Variants in ADAMTS9 observed in about 807,000 individuals in gnomAD.
ADAMTS9 encodes the protein A disintegrin and metalloproteinase with thrombospondin motifs 9.
In ADAMTS9, 107 loss-of-function variants were observed where a neutral mutation model predicts 257.1. The observed-to-expected ratio is 0.42, with a 90% confidence interval of 0.36 to 0.49. The LOEUF (loss-of-function observed/expected upper bound fraction) is 0.49. Ranked by LOEUF, ADAMTS9 falls within the 20% of genes least tolerant of loss-of-function variation. The pLI is 0.03. For missense variants in ADAMTS9, 2,353 were observed against 2,469.1 expected, an observed-to-expected ratio of 0.95 and a Z score of 1.00; for synonymous variants, 982 against 880.9, an observed-to-expected ratio of 1.11 and a Z score of -2.03.
At chr3:64,654,699 C>T (rs1701019311) in intron 6 of ADAMTS9, 87 bp from the exon 7 acceptor site, 1 of 1,424,430 alleles carries the variant, frequency 7.0e-7, no homozygotes, top group Middle Eastern at 1.8e-4. Flanking sequence ...TAGGCATTCA[C>T]AACAGTACAC....
chr3:64,610,714 C>G (rs191194122), intron 22 of ADAMTS9, among the ~76,000 whole-genome samples: 8 of 151,880 alleles, frequency 5.3e-5, no homozygotes, highest in African/African-American at 1.9e-4. Flanking sequence ...AGAATGGAAC[C>G]CTTGTATTAT....
At chr3:64,632,599 G>C (rs1188253524) in intron 14 of ADAMTS9, among the ~76,000 whole-genome samples, 1 of 152,170 alleles carries the variant, frequency 6.6e-6, no homozygotes, top group Admixed American at 6.5e-5. Flanking sequence ...ACTGAACTCT[G>C]AAACATACAC....
intron 38 of ADAMTS9, among the ~76,000 whole-genome samples, chr3:64,523,478 A>G (rs2082875665): frequency 6.6e-6 from 1 of 152,206 alleles, no homozygotes; most frequent in Non-Finnish European, 1.5e-5. Context: ...AAAGGTTGGG[A>G]AAGAACTGCA....
rs1003839234 is a variant in ADAMTS9 at position 64,673,485 on chromosome 3, C to T, written c.679+7716G>A. On this transcript the variant is annotated intron_variant, in intron 3 of 39. Transcript: ENST00000498707. ...ATATGCAGCAAATCTCAAACTAGAA[C>T]GAAAATAGCAATTTTAACAACAGCG... Among the ~76,000 whole-genome samples the T allele has an allele frequency of 2.6e-5, 4 of 152,168 alleles. 1 individual carries two copies. The South Asian group carries it at 6.2e-4, about 24-fold the overall frequency.
rs568914535 is a variant in ADAMTS9 at position 64,621,451 on chromosome 3, C to T, written c.2687-211G>A. On this transcript the variant is annotated intron_variant, in intron 18 of 39. Transcript: ENST00000498707. ...AAACAAAATTGTCATGACTGTGTTC[C>T]AATAAAACTTTATTTGTAAAAGTAG... 8.5e-5 allele frequency among the ~76,000 whole-genome samples: 13 copies of T among 152,156 alleles called. No individual in the cohort carries two copies. In the South Asian group the frequency reaches 2.3e-3, roughly 27 times the overall value.
chr3:64,589,748 G>A (rs913299468), intron 28 of ADAMTS9: 11 of 152,116 alleles, frequency 7.2e-5, no homozygotes, highest in African/African-American at 2.7e-4. Flanking sequence ...GTATCAATAG[G>A]CCTCCGGGTC....
chr3:64,547,853 CTAAG>C (rs1206358992), intron 31 of ADAMTS9, among the ~76,000 whole-genome samples: 1 of 150,394 alleles, frequency 6.6e-6, no homozygotes, highest in Admixed American at 6.6e-5. Context: ...ACCTCCTTAG[CTAAG>C]TTTTTTTTTT....
At chr3:64,543,516 C>T (rs2083155143) in intron 32 of ADAMTS9, among the ~76,000 whole-genome samples, 1 of 152,166 alleles carries the variant, frequency 6.6e-6, no homozygotes, top group Non-Finnish European at 1.5e-5. Flanking sequence ...AACACAAAAA[C>T]CATATGATTA....
At chr3:64,565,817 G>GA (rs1472146116) in intron 29 of ADAMTS9, 3 of 152,062 alleles carry the variant, frequency 2.0e-5, no homozygotes, top group Admixed American at 6.6e-5. Context: ...TTTGGAGAGA[G>GA]AAAAACCCTT....
Position 64,541,594 on chromosome 3 carries a change from C to T in ADAMTS9, c.5224G>A (p.Val1742Ile). 1 of 1,614,042 alleles carries T rather than the reference C, an allele frequency of 6.2e-7. No homozygotes were observed. Among genetic ancestry groups the T allele is most frequent in the South Asian group, 1.1e-5 (1 of 91,084 alleles). Reference protein sequence around the residue: ...NCELPQNCKEVKRLKGASEDG... With the variant: ...NCELPQNCKEIKRLKGASEDG... ...TCACTGGCACCTTTAAGTCTTTTTA[C>T]CTCCTTGCAATTCTGGGGTAACTCA... The change falls in exon 34 of 40, where the codon GTA becomes ATA. Residue 1742 changes from valine (V) to isoleucine (I), a missense_variant. Val to Ile is a conservative substitution (Grantham distance 29). Around this residue, in one of 3 missense-constraint regions of ADAMTS9, gnomAD observed 1,402 missense variants for 1,441.4 expected, o/e 0.97. Transcript: ENST00000498707.
intron 26 of ADAMTS9, among the ~76,000 whole-genome samples, chr3:64,598,895 A>C (rs1234646408): frequency 6.6e-6 from 1 of 152,110 alleles, no homozygotes; most frequent in African/African-American, 2.4e-5. Context: ...CTGTGTCCCT[A>C]TTACCTTCCA....
chr3:64,639,310 TTTAA>T (rs1700580378), intron 12 of ADAMTS9, among the ~76,000 whole-genome samples: 2 of 143,974 alleles, frequency 1.4e-5, no homozygotes, highest in Admixed American at 1.4e-4. Context: ...TTTTTTTTTT[TTTAA>T]AAAAAAAAAA....
intron 32 of ADAMTS9, among the ~76,000 whole-genome samples, chr3:64,544,470 A>G (rs1255094154): frequency 6.6e-6 from 1 of 152,124 alleles, no homozygotes; most frequent in Non-Finnish European, 1.5e-5. Context: ...CACATCTACA[A>G]CCATCTGACC....
intron 12 of ADAMTS9, among the ~76,000 whole-genome samples, chr3:64,639,646 T>C (rs1700590512): frequency 6.6e-6 from 1 of 152,178 alleles, no homozygotes; most frequent in Non-Finnish European, 1.5e-5. Flanking sequence ...TGGTCACTGT[T>C]TGCAATATCC....
At chr3:64,536,900 G>T (rs958239071) in intron 37 of ADAMTS9, among the ~76,000 whole-genome samples, 1 of 152,152 alleles carries the variant, frequency 6.6e-6, no homozygotes, top group Non-Finnish European at 1.5e-5. Flanking sequence ...CATCCACAAA[G>T]CAATAGTGGT....
intron 2 of ADAMTS9, among the ~76,000 whole-genome samples, chr3:64,685,865 G>A (rs1300578912): frequency 1.3e-5 from 2 of 152,012 alleles, no homozygotes; most frequent in African/African-American, 2.4e-5. Context: ...CGGCCACCCC[G>A]CCAGTAGGGT....
At chr3:64,627,558 C>G (rs1053529015) in intron 16 of ADAMTS9, among the ~76,000 whole-genome samples, 1 of 152,118 alleles carries the variant, frequency 6.6e-6, no homozygotes, top group African/African-American at 2.4e-5. Context: ...TTTAGCTCAA[C>G]AGGAGGAAGG....
chr3:64,549,082 G>C (rs536236709), intron 31 of ADAMTS9, among the ~76,000 whole-genome samples: 1 of 152,190 alleles, frequency 6.6e-6, no homozygotes, highest in Non-Finnish European at 1.5e-5. Context: ...TTCTTTTCTA[G>C]AGAGGATGCT....
At chr3:64,618,845 A>C (rs1030570001) in intron 19 of ADAMTS9, among the ~76,000 whole-genome samples, 3 of 152,128 alleles carry the variant, frequency 2.0e-5, no homozygotes, top group Non-Finnish European at 4.4e-5. Flanking sequence ...ACAAAAACTC[A>C]TGGCTTCGGG....
Sources: gnomAD v4.1 joint callset for allele counts (sites outside exome capture counted in the v4.1 genomes callset) on GRCh38, gnomAD v4.1.1 for gene constraint, gnomAD v4.1.1 regional missense constraint, MANE v1.5 for transcripts, NCBI Gene and HGNC (gene_info 2026-07-23, HGNC 2026-07-21) for gene names.